Variants in NOL8 observed in about 807,000 individuals in gnomAD.
The protein encoded by NOL8 is nucleolar protein Nop132.
Under a neutral mutation model 116.1 loss-of-function variants are expected in NOL8, and 93 were observed. The observed-to-expected ratio is 0.80, with a 90% CI of 0.68 to 0.95. The LOEUF is 0.95. NOL8 is among the 40% of genes least tolerant of loss of function. NOL8 has a pLI of 0.00. For missense variants in NOL8, 1,291 were observed against 1,382.8 expected (o/e 0.93, Z 1.05); for synonymous variants, 419 against 469.0 (o/e 0.89, Z 1.38).
intron 13 of NOL8, chr9:92,300,783 A>G: frequency 8.6e-7 from 1 of 1,158,360 alleles, no homozygotes; most frequent in Non-Finnish European, 1.1e-6. Context: ...GCACCACTGC[A>G]CTCCAGCCTG....
In NOL8 at chr9:92,324,025, T is replaced by C; in HGVS notation, c.137A>G (p.Gln46Arg). The C allele has an allele frequency of 6.2e-7, 1 of 1,613,922 alleles. No individual in the cohort carries two copies. The highest frequency in any genetic ancestry group is 8.5e-7 in the Non-Finnish European group (1 of 1,179,830). Residue 46 changes from glutamine (Q) to arginine (R), a missense_variant and splice_region_variant, in exon 2 of 17, where the codon CAA (glutamine) becomes CGA (arginine). Physicochemically the swap from Gln to Arg is conservative, Grantham distance 43 (BLOSUM62 1). Coordinates refer to ENST00000442668, the MANE Select transcript of NOL8 (RefSeq NM_017948.6). The stretch of plus-strand genomic sequence containing the variant: ...CCCAGTGAAGGACCATAAATTACCT[T>C]GGTCATCTTTCCGTGTGATGATCTC... ...DVEIITRKDD[Q>R]GNPQKVFAYI...
At position 92,300,015 on chromosome 9, in the gene NOL8, C is replaced by G. The variant is rs770984521; in HGVS notation, c.3177G>C (p.Glu1059Asp). 8.1e-6 allele frequency: 13 copies of G among 1,612,638 alleles called. No individual in the cohort carries two copies. Among genetic ancestry groups the G allele is most frequent in the Non-Finnish European group, 1.1e-5 (13 of 1,179,176 alleles). Residue 1059 changes from glutamate (E) to aspartate (D), a missense_variant and splice_region_variant, in exon 14 of 17, where the codon GAG (glutamate) becomes GAC (aspartate). By Grantham distance (45) the Glu-to-Asp change is conservative. Transcript: ENST00000442668. The stretch of plus-strand genomic sequence containing the variant: ...GTTTCACTGTTTCAACTCTGTAGGT[C>G]TCTATATCGTTATGACAACAAAAGA... The part of the protein sequence containing the change: ...FDSDTKDIKE[E>D]TYRVETVKPG...
At chr9:92,318,338 G>T (rs1018681959) in intron 6 of NOL8, among the ~76,000 whole-genome samples, 1 of 152,052 alleles carries the variant, frequency 6.6e-6, no homozygotes, top group Non-Finnish European at 1.5e-5. Flanking sequence ...CCCCTCTTTA[G>T]CTCCTTCAGC....
chr9:92,297,698 C>A lies in NOL8; in HGVS notation c.*138G>T. 9.6e-6 allele frequency: 6 copies of A among 627,090 alleles called. No individual in the cohort carries two copies. The highest frequency in any genetic ancestry group is 4.5e-5 in the South Asian group (2 of 44,734). The allele number at this position is 627,090 out of a possible 1,614,324, so 38.8% of individuals were successfully genotyped here. A position where few individuals can be genotyped will look rare whatever the true frequency, so the allele number is the denominator to read the frequency against. ...GAGTTCCACAGAAAAAGATGGCAAC[C>A]AGAATGATATTCCGTCAGCCAGATT... On this transcript the variant is annotated 3_prime_UTR_variant, in exon 17 of 17. Coordinates refer to ENST00000442668, the MANE Select transcript of NOL8 (RefSeq NM_017948.6).
Position 92,315,877 on chromosome 9 carries a change from G to C in NOL8, c.748C>G (p.Gln250Glu). The change falls in exon 7 of 17, where the codon CAG becomes GAG. Residue 250 changes from glutamine to glutamate, a missense_variant. Coordinates refer to ENST00000442668, the MANE Select transcript of NOL8 (RefSeq NM_017948.6). ...RRVIERPPLTQQQAAQKRTCD... is the reference protein window; with the variant it reads ...RRVIERPPLTEQQAAQKRTCD... ...GTTCTTTTTTGTGCAGCCTGTTGCTGTGTTAAGGGTGGTCTCTCTATTACC... is the reference window on the plus strand; with the variant it reads ...GTTCTTTTTTGTGCAGCCTGTTGCTCTGTTAAGGGTGGTCTCTCTATTACC... 2 of 1,613,916 alleles carry C rather than the reference G, an allele frequency of 1.2e-6. No individual in the cohort carries two copies. Among genetic ancestry groups the C allele is most frequent in the Non-Finnish European group, 1.7e-6 (2 of 1,179,876 alleles).
rs1475968735 is a variant in NOL8, at chr9:92,310,189, T to C, written c.2668A>G (p.Ser890Gly). Residue 890 changes from serine to glycine, a missense_variant, in exon 10 of 17, where the codon AGT (serine) becomes GGT (glycine). Ser to Gly is a moderately conservative substitution (Grantham distance 56). Coordinates refer to ENST00000442668, the MANE Select transcript of NOL8 (RefSeq NM_017948.6). Reference sequence around the variant, plus strand: ...CATTTACCTTCCTGTTCCTCTTCACTGTCAGTTTCTAGAAATCGAGAGTCC... The same window carrying C: ...CATTTACCTTCCTGTTCCTCTTCACCGTCAGTTTCTAGAAATCGAGAGTCC... ...RMDSRFLETD[S>G]EEEQEEVNEK... is the part of the protein sequence containing the mutation. The C allele has an allele frequency of 6.2e-7, 1 of 1,608,192 alleles. No individual in the cohort carries two copies. Among genetic ancestry groups the C allele is most frequent in the East Asian group, 2.2e-5 (1 of 44,760 alleles).
chr9:92,322,813 T>G (rs117878780), intron 3 of NOL8: 5,375 of 152,420 alleles, frequency 0.035, 131 homozygotes, highest in Middle Eastern at 0.075. Flanking sequence ...TAAAATAGAA[T>G]AAAGCAATCT....
Position 92,315,524 on chromosome 9 carries a change from A to G in NOL8, c.1101T>C (p.Asp367=), listed in dbSNP as rs1839308258. 1.2e-6 allele frequency: 2 copies of G among 1,611,268 alleles called. No homozygotes were observed. The highest frequency in any genetic ancestry group is 1.7e-6 in the Non-Finnish European group (2 of 1,178,872). ...KNRVSCHDSD[D]DIMRNDREYD... is the part of the protein sequence containing the mutation. The stretch of plus-strand genomic sequence containing the variant: ...ACTCACGATCATTTCTCATAATATC[A>G]TCATCACTATCATGGCAAGAGACAC... Residue 367 remains aspartate, a synonymous_variant, in exon 7 of 17, where the codon GAT becomes GAC. Coordinates refer to ENST00000442668, the MANE Select transcript of NOL8 (RefSeq NM_017948.6).
Position 92,297,734 on chromosome 9 carries a change from C to G in NOL8, c.*102G>C. 2 of 843,136 alleles carry G rather than the reference C, an allele frequency of 2.4e-6. No individual in the cohort carries two copies. The highest frequency in any genetic ancestry group is 3.6e-6 in the Non-Finnish European group (2 of 553,968). The allele number at this position is 843,136 out of a possible 1,614,324, so 52.2% of individuals were successfully genotyped here. On this transcript the variant is annotated 3_prime_UTR_variant, in exon 17 of 17. Transcript: ENST00000442668. Reference sequence around the variant, plus strand: ...TCCGTCAGCCAGATTTTTAAAATTCCTTCACTCTGAAATTTCTTCTTTGTC... The same window carrying G: ...TCCGTCAGCCAGATTTTTAAAATTCGTTCACTCTGAAATTTCTTCTTTGTC...
intron 12 of NOL8, among the ~76,000 whole-genome samples, chr9:92,303,025 TG>T (rs1837883955): frequency 6.6e-6 from 1 of 152,216 alleles, no homozygotes; most frequent in African/African-American, 2.4e-5. Context: ...ATTAGCTGGG[TG>T]ATCTAGCTAA....
chr9:92,312,497 T>TGAGGGTG (rs1407392867), intron 7 of NOL8, among the ~76,000 whole-genome samples: 4 of 142,940 alleles, frequency 2.8e-5, no homozygotes, highest in Non-Finnish European at 6.0e-5. Context: ...GGGGTCTACT[T>TGAGGGTG]GAGGGTGGAG....
intron 1 of NOL8, 51 bp from the exon 2 acceptor site, chr9:92,324,260 A>G (rs569360759): frequency 3.8e-5 from 49 of 1,285,800 alleles, no homozygotes; most frequent in Non-Finnish European, 5.2e-5. Flanking sequence ...ATCTAACAAA[A>G]CAACTACTTC....
intron 9 of NOL8, 53 bp downstream of exon 9, chr9:92,310,500 T>C: frequency 1.9e-6 from 3 of 1,549,902 alleles, no homozygotes; most frequent in Non-Finnish European, 2.6e-6. Flanking sequence ...TTAAGGACTA[T>C]GTCAAAAAAT....
chr9:92,299,371 C>G (rs369811136), intron 14 of NOL8, among the ~76,000 whole-genome samples: 1 of 152,154 alleles, frequency 6.6e-6, no homozygotes, highest in African/African-American at 2.4e-5. Context: ...TTTCTATGCA[C>G]AAACTATCTT....
chr9:92,321,462 TTACA>T (rs1255271894), intron 4 of NOL8, among the ~76,000 whole-genome samples: 1 of 152,244 alleles, frequency 6.6e-6, no homozygotes, highest in Non-Finnish European at 1.5e-5. Context: ...TTATAGCTTA[TTACA>T]TACATACGTA....
At chr9:92,298,830 A>G in intron 15 of NOL8, 54 bp downstream of exon 15, 2 of 1,006,382 alleles carry the variant, frequency 2.0e-6, no homozygotes, top group Non-Finnish European at 1.5e-6. Context: ...GAATTACTGT[A>G]GCTGTATTAT....
chr9:92,318,394 C>A (rs561202279), intron 6 of NOL8, among the ~76,000 whole-genome samples: 1 of 152,230 alleles, frequency 6.6e-6, no homozygotes, highest in African/African-American at 2.4e-5. Context: ...ATTAATAAAC[C>A]AACCTGCTTC....
At chr9:92,311,401 CA>C (rs1053394892) in intron 7 of NOL8, 142 bp from the exon 8 acceptor site, 2 of 589,030 alleles carry the variant, frequency 3.4e-6, no homozygotes, top group African/African-American at 3.8e-5. Flanking sequence ...AACTTATCAA[CA>C]AAGTAAACAG....
intron 10 of NOL8, 70 bp from the exon 11 acceptor site, chr9:92,307,094 T>A (rs987429919): frequency 1.2e-5 from 18 of 1,471,480 alleles, no homozygotes; most frequent in Non-Finnish European, 1.5e-5. Context: ...CATCAAATAT[T>A]TACCAAGTAC....
Sources: gnomAD v4.1 joint callset for allele counts (sites outside exome capture counted in the v4.1 genomes callset) on GRCh38, gnomAD v4.1.1 for gene constraint, MANE v1.5 for transcripts, NCBI Gene and HGNC (gene_info 2026-07-23, HGNC 2026-07-21) for gene names.